Variants in CTNNA3 observed in about 807,000 individuals in gnomAD.
The protein encoded by CTNNA3 is catenin alpha 3.
CTNNA3 carries 76 observed loss-of-function variants against 95.7 expected under a neutral mutation model. The observed-to-expected ratio is 0.79, with a 90% CI of 0.66 to 0.96. The LOEUF (loss-of-function observed/expected upper bound fraction) is 0.96. Ranked by LOEUF, CTNNA3 falls within the 40% of genes least tolerant of loss-of-function variation. CTNNA3 has a pLI of 0.00. For synonymous variants in CTNNA3, 431 were observed against 374.4 expected (o/e 1.15, Z -1.74); for missense variants, 1,191 against 1,089.8 (o/e 1.09, Z -1.31).
intron 7 of CTNNA3, among the ~76,000 whole-genome samples, chr10:66,891,799 A>G (rs1405269632): frequency 6.6e-6 from 1 of 152,178 alleles, no homozygotes. Context: ...TCACCACTCA[A>G]ATAAAGAAGT....
chr10:66,562,086 G>A (rs1351534565), intron 10 of CTNNA3, among the ~76,000 whole-genome samples: 2 of 151,938 alleles, frequency 1.3e-5, no homozygotes, highest in African/African-American at 4.8e-5. Flanking sequence ...CCTAAGGCCT[G>A]GAGTTTTGTA....
intron 7 of CTNNA3, among the ~76,000 whole-genome samples, chr10:67,139,046 G>T (rs537069295): frequency 6.6e-6 from 1 of 152,272 alleles, no homozygotes; most frequent in South Asian, 2.1e-4. Context: ...AAAAGCTACA[G>T]TGTGAAAATA....
chr10:67,464,764 G>A (rs1021152118), intron 5 of CTNNA3, among the ~76,000 whole-genome samples: 2 of 151,886 alleles, frequency 1.3e-5, no homozygotes, highest in Non-Finnish European at 2.9e-5. Context: ...CCCAGGGAAT[G>A]ATTATTCAGG....
intron 12 of CTNNA3, among the ~76,000 whole-genome samples, chr10:66,320,637 C>A (rs72801012): frequency 0.056 from 8,456 of 152,138 alleles, 333 homozygotes; most frequent in Middle Eastern, 0.082. Flanking sequence ...ATTCCTAACC[C>A]AGCCTGAGAC....
intron 10 of CTNNA3, among the ~76,000 whole-genome samples, chr10:66,575,457 T>G (rs1170335153): frequency 3.9e-5 from 6 of 152,144 alleles, no homozygotes; most frequent in Non-Finnish European, 8.8e-5. Context: ...TGCCTAGTTC[T>G]TTCCCCAAAC....
intron 7 of CTNNA3, among the ~76,000 whole-genome samples, chr10:66,884,721 A>G (rs1844977992): frequency 6.6e-6 from 1 of 152,156 alleles, no homozygotes. Flanking sequence ...ACTAAGTTTC[A>G]GTGCAATCTG....
intron 9 of CTNNA3, among the ~76,000 whole-genome samples, chr10:66,720,851 A>C (rs1208200254): frequency 6.6e-6 from 1 of 152,062 alleles, no homozygotes; most frequent in Non-Finnish European, 1.5e-5. Flanking sequence ...AAAAGAAAAG[A>C]AAAGAAAACA....
chr10:66,022,793 CT>C (rs1162920193), intron 15 of CTNNA3, among the ~76,000 whole-genome samples: 1 of 152,204 alleles, frequency 6.6e-6, no homozygotes. Context: ...CCTATATCCC[CT>C]TGTGGTCTCA....
intron 7 of CTNNA3, among the ~76,000 whole-genome samples, chr10:67,110,329 C>A (rs1214473702): frequency 2.0e-5 from 3 of 151,918 alleles, no homozygotes; most frequent in African/African-American, 7.3e-5. Flanking sequence ...TTAAGAGGCT[C>A]AAAATCTAGT....
At chr10:66,520,242 A>ATTTTT (rs1186356819) in intron 11 of CTNNA3, among the ~76,000 whole-genome samples, 2 of 114,612 alleles carry the variant, frequency 1.7e-5, no homozygotes, top group Non-Finnish European at 3.7e-5. Context: ...ATTTAGTATT[A>ATTTTT]TTCTTTTTTT....
intron 17 of CTNNA3, among the ~76,000 whole-genome samples, chr10:65,955,696 A>G (rs1303570501): frequency 6.6e-6 from 1 of 151,994 alleles, no homozygotes; most frequent in Non-Finnish European, 1.5e-5. Flanking sequence ...ACGTTTATTG[A>G]TTTGCATATG....
chr10:66,094,229 G>T (rs2081309978), intron 14 of CTNNA3, among the ~76,000 whole-genome samples: 1 of 152,002 alleles, frequency 6.6e-6, no homozygotes. Flanking sequence ...TGAGCCTGAT[G>T]GTTGTAAGAC....
intron 3 of CTNNA3, among the ~76,000 whole-genome samples, chr10:67,593,742 A>ATTTT (rs60519700): frequency 2.0e-5 from 3 of 151,256 alleles, no homozygotes; most frequent in African/African-American, 7.3e-5. Context: ...ACTTGGATAC[A>ATTTT]TTTTTTTTTC....
Position 67,539,688 on chromosome 10 carries a change from T to C in CTNNA3, c.293-19A>G. ...GCTTCACCTGAAAAATACAACCCCA[T>C]ATAAGTTATACTTTAAGTTTCAACT... On this transcript the variant is annotated intron_variant, in intron 3 of 17. Transcript: ENST00000433211. 2.5e-6 allele frequency: 4 copies of C among 1,609,278 alleles called. No individual in the cohort carries two copies. Among genetic ancestry groups the C allele is most frequent in the Non-Finnish European group, 3.4e-6 (4 of 1,176,782 alleles).
intron 5 of CTNNA3, among the ~76,000 whole-genome samples, chr10:67,409,636 G>T (rs1398044812): frequency 6.6e-6 from 1 of 151,918 alleles, no homozygotes; most frequent in African/African-American, 2.4e-5. Context: ...ATAGCTAAGG[G>T]ATTCTGGGCT....
At chr10:66,220,770 A>G (rs1171365015) in intron 13 of CTNNA3, among the ~76,000 whole-genome samples, 1 of 152,152 alleles carries the variant, frequency 6.6e-6, no homozygotes, top group East Asian at 1.9e-4. Flanking sequence ...CAGTCCCACC[A>G]TCAAGCCGTC....
intron 1 of CTNNA3, among the ~76,000 whole-genome samples, chr10:67,714,002 A>C (rs1841128010): frequency 6.6e-6 from 1 of 151,772 alleles, no homozygotes; most frequent in Non-Finnish European, 1.5e-5. Context: ...AGATTTCAGA[A>C]GATGTACGGA....
At chr10:66,677,663 C>T (rs763522099) in intron 9 of CTNNA3, among the ~76,000 whole-genome samples, 3 of 152,110 alleles carry the variant, frequency 2.0e-5, no homozygotes, top group Non-Finnish European at 4.4e-5. Context: ...GCTCTCTTAC[C>T]TGCTGCCATG....
chr10:67,302,681 T>TA (rs1840375048), intron 5 of CTNNA3, among the ~76,000 whole-genome samples: 2 of 152,178 alleles, frequency 1.3e-5, no homozygotes, highest in African/African-American at 4.8e-5. Flanking sequence ...ATAATCTGAG[T>TA]AATTATGCCA....
Sources: allele counts gnomAD v4.1 joint callset (sites outside exome capture counted in the v4.1 genomes callset), GRCh38; gene constraint gnomAD v4.1.1; transcripts MANE v1.5; gene names NCBI Gene and HGNC (gene_info 2026-07-23, HGNC 2026-07-21).